The following DHTKD1 variants were observed in gnomAD, a reference collection of about 807,000 sequenced individuals.
DHTKD1 encodes the protein 2-oxoadipate dehydrogenase complex component E1.
Under a neutral mutation model 101.8 loss-of-function variants are expected in DHTKD1, and 78 were observed. The observed-to-expected ratio is 0.77, with a 90% CI of 0.64 to 0.93. The LOEUF is 0.93. DHTKD1 is among the 40% of genes least tolerant of loss of function. DHTKD1 has a pLI of 0.00. For missense variants in DHTKD1, 1,223 were observed against 1,161.7 expected (o/e 1.05, Z -0.77); for synonymous variants, 462 against 450.3 (o/e 1.03, Z -0.33).
chr10:12,069,221 G>A, intron 1 of DHTKD1, 34 bp downstream of exon 1: 1 of 1,514,670 alleles, frequency 6.6e-7, no homozygotes, highest in South Asian at 1.2e-5. Context: ...GGGAGCGGGG[G>A]CTGGGACGCA....
chr10:12,084,502 T>C (rs1444657076), intron 2 of DHTKD1, 38 bp from the exon 3 acceptor site: 1 of 1,316,740 alleles, frequency 7.6e-7, no homozygotes, highest in Non-Finnish European at 1.1e-6. Flanking sequence ...AGGAACATGA[T>C]TATTTTTTAA....
Position 12,081,558 on chromosome 10 carries a change from G to A in DHTKD1, c.241G>A (p.Ala81Thr), listed in dbSNP as rs763659313. ...AKINPLFTGQALLENVPEIQA... is the reference protein window; with the variant it reads ...AKINPLFTGQTLLENVPEIQA... Reference sequence around the variant, plus strand: ...AATCAACCCCCTCTTCACCGGACAAGCCCTGCTGGAGAATGTGCCTGAAAT... The same window carrying A: ...AATCAACCCCCTCTTCACCGGACAAACCCTGCTGGAGAATGTGCCTGAAAT... Residue 81 changes from alanine to threonine, a missense_variant, in exon 2 of 17, where the codon GCC (alanine) becomes ACC (threonine). Transcript: ENST00000263035. 3.7e-6 allele frequency: 6 copies of A among 1,614,050 alleles called. No individual in the cohort carries two copies. In the East Asian group the frequency reaches 8.9e-5, roughly 24 times the overall value.
At chr10:12,100,104 AT>A in intron 8 of DHTKD1, 73 bp from the exon 9 acceptor site, 2 of 891,504 alleles carry the variant, frequency 2.2e-6, no homozygotes, top group Non-Finnish European at 3.5e-6. Context: ...CCTGCATTAA[AT>A]TTTTTGTACT....
At chr10:12,076,311 A>G (rs1207307266) in intron 1 of DHTKD1, among the ~76,000 whole-genome samples, 1 of 152,212 alleles carries the variant, frequency 6.6e-6, no homozygotes, top group Non-Finnish European at 1.5e-5. Context: ...CCCCGTCTCT[A>G]CTAAAATACA....
Position 12,100,287 on chromosome 10 carries a change from G to GTTTTTTTTTTTT in DHTKD1, c.1756+28_1756+39dup, listed in dbSNP as rs57815181. 5.7e-3 allele frequency: 1,551 copies of GTTTTTTTTTTTT among 271,762 alleles called. 271 individuals carry two copies. The highest frequency in any genetic ancestry group is 7.1e-3 in the Middle Eastern group (5 of 706). 16.8% of individuals were successfully genotyped at this position (271,762 alleles called of 1,614,324 possible). A position where few individuals can be genotyped will look rare whatever the true frequency, so the allele number is the denominator to read the frequency against. On this transcript the variant is annotated intron_variant, in intron 9 of 16. Transcript: ENST00000263035. ...GGTAAGAATTTTCTTTTTTTTTTCT[G>GTTTTTTTTTTTT]TTTTTTTTTTTTTTGAGTCTCACCC...
At chr10:12,094,023 T>G in intron 6 of DHTKD1, 50 bp from the exon 7 acceptor site, 4 of 1,486,494 alleles carry the variant, frequency 2.7e-6, no homozygotes, top group Non-Finnish European at 3.7e-6. Context: ...AGAGGGCCAG[T>G]GTCATTCTGG....
At position 12,110,419 on chromosome 10, in the gene DHTKD1, ATTC is replaced by A. The variant is rs199692825; in HGVS notation, c.2154+2414_2154+2416del. Among the ~76,000 whole-genome samples, 564 of 150,144 alleles carry A rather than the reference ATTC, an allele frequency of 3.8e-3. 8 individuals carry two copies. The highest frequency in any genetic ancestry group is 0.012 in the African/African-American group (496 of 41,418). ...TGTATTTTATGTGTGGCACAAGACA[ATTC>A]TTCTTCTTCCGGTGTGGCTCAGGTA... On this transcript the variant is annotated intron_variant, in intron 12 of 16. Transcript: ENST00000263035. The surrounding 1 kb of genome is among the most constrained non-coding windows in gnomAD (Gnocchi z 4.9).
chr10:12,120,970 A>C lies in DHTKD1; in HGVS notation c.*82A>C. ...TGGGGTGGCACATGCCTGTAATCCC[A>C]GCACTTTGGGAGGCCAAGGCTGGTG... On this transcript the variant is annotated 3_prime_UTR_variant, in exon 17 of 17. Coordinates refer to ENST00000263035, the MANE Select transcript of DHTKD1 (RefSeq NM_018706.7). 7.5e-7 allele frequency: 1 copy of C among 1,327,342 alleles called. No homozygotes were observed. The highest frequency in any genetic ancestry group is 1.1e-6 in the Non-Finnish European group (1 of 951,314). The allele number at this position is 1,327,342 out of a possible 1,614,324, so 82.2% of individuals were successfully genotyped here. A position where few individuals can be genotyped will look rare whatever the true frequency, so the allele number is the denominator to read the frequency against.
intron 7 of DHTKD1, 134 bp from the exon 8 acceptor site, chr10:12,097,550 A>G (rs891420156): frequency 2.7e-6 from 2 of 746,140 alleles, no homozygotes; most frequent in South Asian, 1.9e-5. Context: ...CTAAGATTGT[A>G]GGTGTGAGCC....
At chr10:12,111,659 T>C (rs1833332048) in intron 12 of DHTKD1, among the ~76,000 whole-genome samples, 1 of 152,122 alleles carries the variant, frequency 6.6e-6, no homozygotes, top group African/African-American at 2.4e-5. Context: ...TGGCAATAAA[T>C]GGAAGGCAGA....
At chr10:12,081,389 A>G in intron 1 of DHTKD1, 83 bp from the exon 2 acceptor site, 1 of 1,190,036 alleles carries the variant, frequency 8.4e-7, no homozygotes, top group Non-Finnish European at 1.2e-6. Flanking sequence ...CTAGGGCTGT[A>G]AGAGCTTCTT....
In DHTKD1 at chr10:12,117,726, C is replaced by T. The variant is rs1240583491; in HGVS notation, c.2373C>T (p.Val791=). 1 of 1,604,942 alleles carries T rather than the reference C, an allele frequency of 6.2e-7. No individual in the cohort carries two copies. The highest frequency in any genetic ancestry group is 8.5e-7 in the Non-Finnish European group (1 of 1,174,656). The change falls in exon 14 of 17, where the codon GTC becomes GTT. Residue 791 remains valine (V), a synonymous_variant. Coordinates refer to ENST00000263035, the MANE Select transcript of DHTKD1 (RefSeq NM_018706.7). ...EMAPGTTFNP[V]IGDSSVDPKK... ...CACCAGGAACAACATTTAACCCGGTCATTGGTGATTCATCTGTGGATCCAA... is the reference window on the plus strand; with the variant it reads ...CACCAGGAACAACATTTAACCCGGTTATTGGTGATTCATCTGTGGATCCAA...
intron 5 of DHTKD1, among the ~76,000 whole-genome samples, chr10:12,090,397 CTTCCTTCCTTTT>C (rs1387026512): frequency 2.3e-4 from 31 of 133,842 alleles, no homozygotes; most frequent in Admixed American, 6.1e-4. Context: ...TTTTTCCTTC[CTTCCTTCCTTTT>C]TTCCTTCCTT....
chr10:12,094,972 C>T (rs889025591), intron 7 of DHTKD1, among the ~76,000 whole-genome samples: 2 of 152,148 alleles, frequency 1.3e-5, no homozygotes, highest in African/African-American at 4.8e-5. Flanking sequence ...CATGGTTCCT[C>T]ATTGAATAGA....
Position 12,081,557 on chromosome 10 carries a change from A to C in DHTKD1, c.240A>C (p.Gln80His), listed in dbSNP as rs1407480386. 6.2e-7 allele frequency: 1 copy of C among 1,614,060 alleles called. No individual in the cohort carries two copies. Among genetic ancestry groups the C allele is most frequent in the Non-Finnish European group, 8.5e-7 (1 of 1,180,040 alleles). The stretch of plus-strand genomic sequence containing the variant: ...AAATCAACCCCCTCTTCACCGGACA[A>C]GCCCTGCTGGAGAATGTGCCTGAAA... ...AAKINPLFTG[Q>H]ALLENVPEIQ... Residue 80 changes from glutamine to histidine, a missense_variant, in exon 2 of 17, where the codon CAA (glutamine) becomes CAC (histidine). Transcript: ENST00000263035.
intron 1 of DHTKD1, among the ~76,000 whole-genome samples, chr10:12,076,199 C>T (rs868793042): frequency 6.6e-6 from 1 of 152,158 alleles, no homozygotes; most frequent in African/African-American, 2.4e-5. Context: ...GCTTTATTGC[C>T]GAGTGCGGTG....
intron 16 of DHTKD1, 123 bp downstream of exon 16, chr10:12,120,390 G>C (rs1296121262): frequency 1.2e-6 from 1 of 805,740 alleles, no homozygotes; most frequent in Non-Finnish European, 2.0e-6. Context: ...CTGGAGTGCA[G>C]TGGCGCAATC....
Position 12,069,161 on chromosome 10 carries a change from C to T in DHTKD1, c.128C>T (p.Pro43Leu). The change falls in exon 1 of 17, where the codon CCC becomes CTC. Residue 43 changes from proline to leucine, a missense_variant. Pro to Leu is a moderately conservative substitution (Grantham distance 98). Transcript: ENST00000263035. ...YRPRKPESRE[P>L]QGALERPPVD... ...CCGAGGAAGCCCGAGAGCCGCGAGC[C>T]CCAGGGCGCCCTGGAGCGCCCCCCA... 2 of 1,565,390 alleles carry T rather than the reference C, an allele frequency of 1.3e-6. No homozygotes were observed. Among genetic ancestry groups the T allele is most frequent in the African/African-American group, 2.7e-5 (2 of 73,310 alleles).
rs1315541174 is a variant in DHTKD1 at position 12,101,150 on chromosome 10, A to G, written c.1865A>G (p.His622Arg). The change falls in exon 10 of 17, where the codon CAT becomes CGT. Residue 622 changes from histidine to arginine, a missense_variant. By Grantham distance (29) the His-to-Arg change is conservative. Coordinates refer to ENST00000263035, the MANE Select transcript of DHTKD1 (RefSeq NM_018706.7). ...ETDDTYIPLN[H>R]MDPNQKGFLE... ...GATGACACCTACATCCCCCTGAACC[A>G]TATGGACCCAAATCAGAAGGGGTTT... 3.1e-6 allele frequency: 5 copies of G among 1,613,990 alleles called. No homozygotes were observed. Among genetic ancestry groups the G allele is most frequent in the Non-Finnish European group, 4.2e-6 (5 of 1,179,944 alleles).
Sources: allele counts gnomAD v4.1 joint callset (sites outside exome capture counted in the v4.1 genomes callset), GRCh38; gene constraint gnomAD v4.1.1; non-coding constraint Gnocchi (gnomAD v3.1); transcripts MANE v1.5; gene names NCBI Gene and HGNC (gene_info 2026-07-23, HGNC 2026-07-21).